MAD1L1: variants seen among roughly 807,000 people sequenced by gnomAD.
The protein encoded by MAD1L1 is mitotic arrest deficient 1 like 1, also known as mitotic spindle assembly checkpoint protein MAD1.
A neutral mutation model predicts 96.9 loss-of-function variants in MAD1L1; 95 were observed. That is an observed-to-expected ratio of 0.98 (90% CI 0.83 to 1.16). The LOEUF (loss-of-function observed/expected upper bound fraction) is 1.16. Among genes scored for constraint, MAD1L1 ranks in the 50% most tolerant of loss-of-function variants. The pLI is 0.00. For missense variants in MAD1L1, 1,007 were observed against 954.4 expected (o/e 1.06, Z -0.73); for synonymous variants, 473 against 396.6 (o/e 1.19, Z -2.29).
At chr7:2,014,780 AC>A in intron 12 of MAD1L1, 138 bp from the exon 13 acceptor site, 2 of 958,786 alleles carry the variant, frequency 2.1e-6, no homozygotes, top group Non-Finnish European at 2.9e-6. Flanking sequence ...CTCAGAGCCC[AC>A]CCCTGAGGGC....
chr7:2,198,508 C>T (rs1243622888), intron 10 of MAD1L1, among the ~76,000 whole-genome samples: 2 of 152,246 alleles, frequency 1.3e-5, no homozygotes, highest in African/African-American at 2.4e-5. Context: ...GCGCTGGCAT[C>T]GCCGGAGCAA....
At chr7:2,047,642 T>C (rs949981496) in intron 12 of MAD1L1, among the ~76,000 whole-genome samples, 1 of 152,212 alleles carries the variant, frequency 6.6e-6, no homozygotes, top group African/African-American at 2.4e-5. Flanking sequence ...AAAGAACCAG[T>C]GTTCCAGAAT....
At chr7:2,216,776 TA>T (rs972433575) in intron 7 of MAD1L1, among the ~76,000 whole-genome samples, 1 of 152,046 alleles carries the variant, frequency 6.6e-6, no homozygotes, top group African/African-American at 2.4e-5. Flanking sequence ...TACCATCCAT[TA>T]AAAATTAAAG....
intron 17 of MAD1L1, among the ~76,000 whole-genome samples, chr7:1,911,784 T>A (rs1219097912): frequency 6.6e-6 from 1 of 152,122 alleles, no homozygotes. Context: ...CAGTCCGGCG[T>A]CACCTCCAGA....
rs1787861873 is a variant in MAD1L1, at chr7:2,119,269, C to T, written c.1073+29883G>A. Among the ~76,000 whole-genome samples the T allele has an allele frequency of 1.3e-5, 2 of 152,276 alleles. No homozygotes were observed. The highest frequency in any genetic ancestry group is 6.5e-5 in the Admixed American group (1 of 15,302). ...AAAACAAGTGACCAAAGGAGTGCCCCGCCCCTGGTTCACAGACATGAGAAG... is the reference window on the plus strand; with the variant it reads ...AAAACAAGTGACCAAAGGAGTGCCCTGCCCCTGGTTCACAGACATGAGAAG... On this transcript the variant is annotated intron_variant, in intron 11 of 18. Transcript: ENST00000265854. The surrounding 1 kb of genome is among the most constrained non-coding windows in gnomAD (Gnocchi z 4.6).
intron 11 of MAD1L1, among the ~76,000 whole-genome samples, chr7:2,074,532 A>G (rs1785287118): frequency 6.6e-6 from 1 of 152,206 alleles, no homozygotes; most frequent in Non-Finnish European, 1.5e-5. Flanking sequence ...CAGCCCATGG[A>G]GCTGGCACCT....
At chr7:1,851,452 G>T (rs115688989) in intron 18 of MAD1L1, among the ~76,000 whole-genome samples, 5 of 152,158 alleles carry the variant, frequency 3.3e-5, no homozygotes, top group Non-Finnish European at 5.9e-5. Context: ...GATGAGAGGC[G>T]TCCCCAGCAG....
At chr7:1,902,092 A>T (rs1329396255) in intron 17 of MAD1L1, among the ~76,000 whole-genome samples, 5 of 152,190 alleles carry the variant, frequency 3.3e-5, no homozygotes, top group African/African-American at 1.2e-4. Context: ...GGCCCGGCCC[A>T]GTGGGGTGTA....
chr7:1,875,956 GC>G (rs1243762811), intron 18 of MAD1L1, among the ~76,000 whole-genome samples: 3 of 152,202 alleles, frequency 2.0e-5, no homozygotes, highest in Non-Finnish European at 4.4e-5. Context: ...AATACAAGGG[GC>G]GGCCGTCCAC....
intron 10 of MAD1L1, among the ~76,000 whole-genome samples, chr7:2,191,923 C>T (rs1184706885): frequency 4.0e-5 from 6 of 151,396 alleles, no homozygotes; most frequent in African/African-American, 1.2e-4. Flanking sequence ...CTCAGCTACT[C>T]GGGAGGCTGA....
At chr7:1,958,970 G>A (rs1779842086) in intron 15 of MAD1L1, among the ~76,000 whole-genome samples, 1 of 152,182 alleles carries the variant, frequency 6.6e-6, no homozygotes, top group Non-Finnish European at 1.5e-5. Context: ...AAAACACAGA[G>A]GCCAGGCACG....
intron 11 of MAD1L1, among the ~76,000 whole-genome samples, chr7:2,089,623 G>C (rs1786104248): frequency 1.3e-5 from 2 of 151,154 alleles, no homozygotes; most frequent in South Asian, 4.2e-4. Context: ...CCCATCACGT[G>C]CATCGTGTTT....
At chr7:2,217,917 G>A in intron 7 of MAD1L1, 45 bp downstream of exon 7, 3 of 1,528,058 alleles carry the variant, frequency 2.0e-6, no homozygotes, top group Non-Finnish European at 9.1e-7. Flanking sequence ...GAGAGTCAAG[G>A]CCACCACAGG....
intron 11 of MAD1L1, among the ~76,000 whole-genome samples, chr7:2,102,501 T>G: frequency 7.7e-6 from 1 of 130,554 alleles, no homozygotes; most frequent in African/African-American, 3.0e-5. Context: ...CTGTCACCAA[T>G]AACCACCATC....
chr7:1,945,478 C>A (rs552543105), intron 16 of MAD1L1, among the ~76,000 whole-genome samples: 1 of 152,204 alleles, frequency 6.6e-6, no homozygotes, highest in African/African-American at 2.4e-5. Context: ...GGCTTGGAAC[C>A]CTTCTCCAAG....
chr7:2,132,320 ACTTGTCATGT>A (rs1788547577), intron 11 of MAD1L1, among the ~76,000 whole-genome samples: 2 of 152,182 alleles, frequency 1.3e-5, no homozygotes, highest in Non-Finnish European at 2.9e-5. Context: ...ACGTGGGCTC[ACTTGTCATGT>A]CTTACATTCT....
chr7:1,985,627 G>A (rs1583999007), intron 14 of MAD1L1, among the ~76,000 whole-genome samples: 1 of 152,230 alleles, frequency 6.6e-6, no homozygotes, highest in Admixed American at 6.5e-5. Flanking sequence ...CTGCCATCCT[G>A]ACACTTCTTT....
intron 18 of MAD1L1, among the ~76,000 whole-genome samples, chr7:1,824,056 G>A (rs1782264825): frequency 6.6e-6 from 1 of 152,140 alleles, no homozygotes; most frequent in African/African-American, 2.4e-5. Context: ...CTGCAGCTGG[G>A]TCCTGACCGG....
intron 18 of MAD1L1, among the ~76,000 whole-genome samples, chr7:1,890,189 C>T (rs550183937): frequency 2.5e-4 from 38 of 152,376 alleles, no homozygotes; most frequent in Non-Finnish European, 4.0e-4. Context: ...CCCAGGACCA[C>T]GTGTTCTGGT....
Sources: allele counts gnomAD v4.1 joint callset (sites outside exome capture counted in the v4.1 genomes callset), GRCh38; gene constraint gnomAD v4.1.1; non-coding constraint Gnocchi (gnomAD v3.1); transcripts MANE v1.5; gene names NCBI Gene and HGNC (gene_info 2026-07-23, HGNC 2026-07-21).